The following SPEF2 variants were observed in gnomAD, a reference collection of about 807,000 sequenced individuals.
The protein encoded by SPEF2 is sperm flagellar and cilia associated 2.
SPEF2 carries 187 observed loss-of-function variants against 224.6 expected under a neutral mutation model. The observed-to-expected ratio is 0.83, with a 90% confidence interval of 0.74 to 0.94. The LOEUF (loss-of-function observed/expected upper bound fraction) is 0.94, where lower values mean the gene tolerates loss of function less well. Among genes scored for constraint, SPEF2 ranks in the 40% least tolerant of loss-of-function variants. The pLI is 0.00. For synonymous variants in SPEF2, 715 were observed against 707.3 expected (o/e 1.01, Z -0.17); for missense variants, 2,170 against 2,135.6 (o/e 1.02, Z -0.32).
At chr5:35,651,385 C>CA (rs1748167885) in intron 6 of SPEF2, among the ~76,000 whole-genome samples, 1 of 152,152 alleles carries the variant, frequency 6.6e-6, no homozygotes, top group African/African-American at 2.4e-5. Flanking sequence ...TTGACACCCT[C>CA]ACTTACAGCA....
intron 10 of SPEF2, among the ~76,000 whole-genome samples, chr5:35,688,318 C>G (rs1350871287): frequency 6.6e-6 from 1 of 152,092 alleles, no homozygotes; most frequent in African/African-American, 2.4e-5. Context: ...TGATGAGCAA[C>G]TTTTTCTTGT....
At chr5:35,661,579 C>G (rs1479126112) in intron 8 of SPEF2, among the ~76,000 whole-genome samples, 4 of 151,722 alleles carry the variant, frequency 2.6e-5, no homozygotes, top group African/African-American at 9.7e-5. Context: ...CTCCTCCCAC[C>G]CTCCACCCTC....
intron 35 of SPEF2, 80 bp from the exon 36 acceptor site, chr5:35,807,051 T>C (rs990526426): frequency 2.6e-6 from 4 of 1,561,484 alleles, no homozygotes; most frequent in Non-Finnish European, 2.6e-6. Flanking sequence ...ATACAGAATC[T>C]CTTTAGTAAA....
At chr5:35,769,935 A>G (rs998079960) in intron 26 of SPEF2, among the ~76,000 whole-genome samples, 14 of 150,916 alleles carry the variant, frequency 9.3e-5, no homozygotes, top group Non-Finnish European at 2.9e-5. Context: ...TTTTTCACCA[A>G]TTGCTTTATT....
chr5:35,640,336 G>A (rs1746445756), intron 2 of SPEF2, among the ~76,000 whole-genome samples: 2 of 152,100 alleles, frequency 1.3e-5, no homozygotes, highest in African/African-American at 2.4e-5. Flanking sequence ...AGTGAGCAAA[G>A]CACACAGGAC....
intron 36 of SPEF2, among the ~76,000 whole-genome samples, chr5:35,810,490 C>T (rs944031029): frequency 9.9e-5 from 15 of 152,112 alleles, no homozygotes; most frequent in African/African-American, 3.1e-4. Context: ...TGGAGGACTC[C>T]TTTTAAGTTA....
intron 29 of SPEF2, among the ~76,000 whole-genome samples, chr5:35,778,094 T>C (rs1483843023): frequency 1.3e-5 from 2 of 152,230 alleles, no homozygotes; most frequent in Admixed American, 6.5e-5. Flanking sequence ...CAACTAATGC[T>C]ACTTTTTAAA....
chr5:35,633,501 C>G (rs1047568865), intron 2 of SPEF2, among the ~76,000 whole-genome samples: 1 of 151,940 alleles, frequency 6.6e-6, no homozygotes, highest in Non-Finnish European at 1.5e-5. Context: ...CATCCTTTTA[C>G]TTTCAATAAA....
At chr5:35,774,069 CA>C (rs1417070210) in intron 28 of SPEF2, 48 bp downstream of exon 28, 2 of 1,591,540 alleles carry the variant, frequency 1.3e-6, no homozygotes, top group South Asian at 2.3e-5. Flanking sequence ...GAAAGGAGAC[CA>C]GTAGCCAAAC....
At chr5:35,688,673 G>T (rs1287409283) in intron 10 of SPEF2, among the ~76,000 whole-genome samples, 1 of 152,014 alleles carries the variant, frequency 6.6e-6, no homozygotes, top group African/African-American at 2.4e-5. Flanking sequence ...TGACTGCCCG[G>T]GTTCCAATCT....
In SPEF2 at chr5:35,789,349, G is replaced by T. The variant is rs1413313123; in HGVS notation, c.4448-2991G>T. On this transcript the variant is annotated intron_variant, in intron 30 of 36. Coordinates refer to ENST00000356031, the MANE Select transcript of SPEF2 (RefSeq NM_024867.4). ...TATTTGCCACTTTAGAGTCAATGCT[G>T]GAAATGCTCCAAATGTATCAAACAA... 4 of 703,404 alleles carry T rather than the reference G, an allele frequency of 5.7e-6. No homozygotes were observed. The South Asian group carries it at 5.9e-5, about 10-fold the overall frequency. The allele number at this position is 703,404 out of a possible 1,614,324, so 43.6% of individuals were successfully genotyped here.
Position 35,779,131 on chromosome 5 carries a change from C to T in SPEF2, c.4232C>T (p.Thr1411Ile). The change falls in exon 30 of 37, where the codon ACT (threonine) becomes ATT (isoleucine). Residue 1411 changes from threonine (T) to isoleucine (I), a missense_variant. Physicochemically the swap from Thr to Ile is moderately conservative, Grantham distance 89. Transcript: ENST00000356031. Reference sequence around the variant, plus strand: ...ACCACTTTCAGTACAGAAAAATTAACTGACGTAGCTCGCTATCACATTGAA... The same window carrying T: ...ACCACTTTCAGTACAGAAAAATTAATTGACGTAGCTCGCTATCACATTGAA... ...LNEMASTEKL[T>I]DVARYHIETS... is the part of the protein sequence containing the mutation. The T allele has an allele frequency of 6.2e-7, 1 of 1,612,128 alleles. No homozygotes were observed. The highest frequency in any genetic ancestry group is 8.5e-7 in the Non-Finnish European group (1 of 1,179,166).
intron 36 of SPEF2, among the ~76,000 whole-genome samples, chr5:35,808,904 C>T (rs1339751134): frequency 7.2e-6 from 1 of 138,602 alleles, no homozygotes; most frequent in East Asian, 2.1e-4. Flanking sequence ...ATATATAAAA[C>T]AAGCTAGCAG....
chr5:35,723,221 G>T (rs1293336057), intron 20 of SPEF2, among the ~76,000 whole-genome samples: 1 of 152,050 alleles, frequency 6.6e-6, no homozygotes, highest in East Asian at 1.9e-4. Context: ...GAAGGATCTG[G>T]AAGAACAGAG....
At chr5:35,629,151 C>CTTTTTT (rs768077049) in intron 2 of SPEF2, among the ~76,000 whole-genome samples, 5 of 88,342 alleles carry the variant, frequency 5.7e-5, no homozygotes, top group African/African-American at 2.4e-4. Flanking sequence ...TCGATTGTTC[C>CTTTTTT]TTTTTTTTTT....
intron 18 of SPEF2, among the ~76,000 whole-genome samples, chr5:35,708,190 G>C (rs1740195609): frequency 6.6e-6 from 1 of 152,008 alleles, no homozygotes. Context: ...TTCAATAAAT[G>C]GTTGTTGCAG....
At chr5:35,809,510 T>A (rs1193442629) in intron 36 of SPEF2, among the ~76,000 whole-genome samples, 1 of 152,068 alleles carries the variant, frequency 6.6e-6, no homozygotes, top group Non-Finnish European at 1.5e-5. Flanking sequence ...TGGATTTTGC[T>A]GTTGGGGTAG....
At chr5:35,723,061 G>A (rs1199660994) in intron 20 of SPEF2, among the ~76,000 whole-genome samples, 1 of 152,054 alleles carries the variant, frequency 6.6e-6, no homozygotes, top group African/African-American at 2.4e-5. Flanking sequence ...GCAAGGCCAG[G>A]CAGTTTGAAT....
chr5:35,631,273 C>T (rs1156836807), intron 2 of SPEF2, among the ~76,000 whole-genome samples: 2 of 152,148 alleles, frequency 1.3e-5, no homozygotes, highest in Admixed American at 6.5e-5. Context: ...GAAAGACCTG[C>T]CCCCATGATT....
Sources: gnomAD v4.1 joint callset for allele counts (sites outside exome capture counted in the v4.1 genomes callset) on GRCh38, gnomAD v4.1.1 for gene constraint, MANE v1.5 for transcripts, NCBI Gene and HGNC (gene_info 2026-07-23, HGNC 2026-07-21) for gene names.